Variants in DLGAP4 observed in about 807,000 individuals in gnomAD.
DLGAP4 encodes the protein DLG associated protein 4.
In DLGAP4, 18 loss-of-function variants were observed where a neutral mutation model predicts 86.9. The observed-to-expected ratio is 0.21, with a 90% CI of 0.14 to 0.31. The LOEUF is 0.31. DLGAP4 is among the 10% of genes least tolerant of loss of function. DLGAP4 has a pLI of 1.00. For synonymous variants in DLGAP4, 548 were observed against 574.3 expected (o/e 0.95, Z 0.65); for missense variants, 1,085 against 1,362.6 (o/e 0.80, Z 3.21).
At chr20:36,418,323 G>A (rs1416546233) in intron 2 of DLGAP4, among the ~76,000 whole-genome samples, 1 of 151,628 alleles carries the variant, frequency 6.6e-6, no homozygotes, top group Non-Finnish European at 1.5e-5. Context: ...ATGTTGGCCA[G>A]GCTAGTCTCG....
At chr20:36,477,232 A>G (rs1441057118) in intron 7 of DLGAP4, among the ~76,000 whole-genome samples, 1 of 151,342 alleles carries the variant, frequency 6.6e-6, no homozygotes, top group African/African-American at 2.4e-5. Flanking sequence ...GGTAGCTGGG[A>G]TTACAGGCAC....
At chr20:36,460,503 A>G (rs1451653985) in intron 7 of DLGAP4, among the ~76,000 whole-genome samples, 1 of 152,238 alleles carries the variant, frequency 6.6e-6, no homozygotes, top group Admixed American at 6.5e-5. Context: ...TGCTCAAAAT[A>G]TTTTGATATG....
chr20:36,438,386 A>G (rs1011270462), intron 4 of DLGAP4, among the ~76,000 whole-genome samples: 1 of 147,886 alleles, frequency 6.8e-6, no homozygotes, highest in Non-Finnish European at 1.5e-5. Context: ...AAAAATATAT[A>G]TATATATATA....
rs144004549 is a variant in DLGAP4 at position 36,325,946 on chromosome 20, G to A, written c.-304+19434G>A. Reference sequence around the variant, plus strand: ...TTGACCAGACTGGTCTTGAACTCCTGACCTCAGGTGATCCTCCCAGCTCGG... The same window carrying A: ...TTGACCAGACTGGTCTTGAACTCCTAACCTCAGGTGATCCTCCCAGCTCGG... On this transcript the variant is annotated intron_variant, in intron 1 of 12. Coordinates refer to ENST00000339266, the MANE Select transcript of DLGAP4 (RefSeq NM_001365621.2). Among the ~76,000 whole-genome samples the A allele has an allele frequency of 3.3e-3, 496 of 152,178 alleles. 4 individuals carry two copies. The highest frequency in any genetic ancestry group is 0.012 in the African/African-American group (483 of 41,496).
chr20:36,490,167 ATTTC>A (rs2035599853), intron 7 of DLGAP4, among the ~76,000 whole-genome samples: 1 of 151,948 alleles, frequency 6.6e-6, no homozygotes, highest in East Asian at 1.9e-4. Context: ...CAGTGTTGCT[ATTTC>A]TTAAGGCACA....
rs760310487 is a variant in DLGAP4, at chr20:36,446,785, A to G, written c.1496A>G (p.Asp499Gly). ...GAGTCCACAGCGGCAGAGACGCTTG[A>G]CTTGCCACTGCCCAGCTACTTCCGC... ...EAESTAAETL[D>G]LPLPSYFRSR... is the part of the protein sequence containing the mutation. The change falls in exon 7 of 13, where the codon GAC becomes GGC. Residue 499 changes from aspartate to glycine, a missense_variant. Asp to Gly is a moderately conservative substitution (Grantham distance 94). Transcript: ENST00000339266. The G allele has an allele frequency of 6.2e-7, 1 of 1,612,812 alleles. No individual in the cohort carries two copies. The highest frequency in any genetic ancestry group is 2.2e-5 in the East Asian group (1 of 44,856).
chr20:36,444,206 A>G (rs2033529820), intron 6 of DLGAP4, among the ~76,000 whole-genome samples: 1 of 152,260 alleles, frequency 6.6e-6, no homozygotes, highest in African/African-American at 2.4e-5. Flanking sequence ...AGTACTGTAC[A>G]GTAGAACTTT....
At chr20:36,317,223 TTTTC>T (rs1229773592) in intron 1 of DLGAP4, among the ~76,000 whole-genome samples, 12,987 of 93,648 alleles carry the variant, frequency 0.14, 1,137 homozygotes, top group Non-Finnish European at 0.17. Context: ...TCCTCTCCTT[TTTTC>T]TTTCTTTCTT....
At chr20:36,461,190 G>C (rs1308998001) in intron 7 of DLGAP4, 1 of 152,188 alleles carries the variant, frequency 6.6e-6, no homozygotes, top group African/African-American at 2.4e-5. Context: ...GCGGTTCGAG[G>C]GGCGGCGACC....
chr20:36,512,930 C>CTTTTTTTT (rs1390698701), intron 10 of DLGAP4, among the ~76,000 whole-genome samples: 1 of 66,492 alleles, frequency 1.5e-5, no homozygotes, highest in African/African-American at 6.1e-5. Flanking sequence ...TCTCAGAGGC[C>CTTTTTTTT]CTTTTTTTTT....
intron 2 of DLGAP4, among the ~76,000 whole-genome samples, chr20:36,399,370 A>G (rs1313965861): frequency 1.3e-5 from 2 of 152,238 alleles, no homozygotes; most frequent in East Asian, 1.9e-4. Context: ...TTCCTTATCT[A>G]TAAAATGAGA....
chr20:36,458,936 G>C (rs1222373805), intron 7 of DLGAP4, among the ~76,000 whole-genome samples: 1 of 152,148 alleles, frequency 6.6e-6, no homozygotes, highest in African/African-American at 2.4e-5. Context: ...ACAGCTAAGG[G>C]GTGATGAGAA....
chr20:36,483,429 G>T (rs374252093), intron 7 of DLGAP4, among the ~76,000 whole-genome samples: 8 of 152,274 alleles, frequency 5.3e-5, no homozygotes, highest in African/African-American at 1.7e-4. Context: ...CCAGGCAAGG[G>T]TCCCTGCTCT....
chr20:36,404,347 A>G (rs375483012), intron 2 of DLGAP4, among the ~76,000 whole-genome samples: 156 of 152,298 alleles, frequency 1.0e-3, no homozygotes, highest in Non-Finnish European at 1.5e-3. Context: ...AGGGCATGCC[A>G]GAGGGGGACA....
At chr20:36,403,193 C>T (rs530445615) in intron 2 of DLGAP4, among the ~76,000 whole-genome samples, 1 of 152,280 alleles carries the variant, frequency 6.6e-6, no homozygotes, top group Non-Finnish European at 1.5e-5. Flanking sequence ...AAGTCCAAGT[C>T]AAGGTGCTGG....
intron 2 of DLGAP4, among the ~76,000 whole-genome samples, chr20:36,427,744 A>G (rs1388141569): frequency 6.6e-6 from 1 of 152,118 alleles, no homozygotes; most frequent in Non-Finnish European, 1.5e-5. Context: ...GGAGTTCGAG[A>G]CCAGCCTGGT....
chr20:36,515,192 TA>T (rs1472704316), intron 10 of DLGAP4, among the ~76,000 whole-genome samples: 1 of 152,252 alleles, frequency 6.6e-6, no homozygotes, highest in Non-Finnish European at 1.5e-5. Flanking sequence ...CATTTCTCCT[TA>T]AAAAACTTTT....
intron 10 of DLGAP4, among the ~76,000 whole-genome samples, chr20:36,515,352 C>T (rs1320979290): frequency 6.6e-6 from 1 of 152,130 alleles, no homozygotes; most frequent in Non-Finnish European, 1.5e-5. Context: ...TAGCAGACTT[C>T]CTTTGATTAG....
At chr20:36,364,438 A>G (rs1283534650) in intron 1 of DLGAP4, among the ~76,000 whole-genome samples, 1 of 152,176 alleles carries the variant, frequency 6.6e-6, no homozygotes, top group East Asian at 1.9e-4. Flanking sequence ...CACCCATTAA[A>G]GTGTATAGTT....
Sources: gnomAD v4.1 joint callset for allele counts (sites outside exome capture counted in the v4.1 genomes callset) on GRCh38, gnomAD v4.1.1 for gene constraint, MANE v1.5 for transcripts, NCBI Gene and HGNC (gene_info 2026-07-23, HGNC 2026-07-21) for gene names.